LRRC4C: variants seen among roughly 807,000 people sequenced by gnomAD.
LRRC4C encodes leucine rich repeat containing 4C.
In LRRC4C, 5 loss-of-function variants were observed where a neutral mutation model predicts 33.6. That is an observed-to-expected ratio of 0.15 (90% CI 0.08 to 0.31). The LOEUF (loss-of-function observed/expected upper bound fraction) is 0.31, where lower values mean the gene tolerates loss of function less well. LRRC4C is among the 10% of genes least tolerant of loss of function. The pLI is 1.00. For missense variants in LRRC4C, 560 were observed against 796.7 expected (o/e 0.70, Z 3.58); for synonymous variants, 329 against 302.0 (o/e 1.09, Z -0.93).
chr11:41,002,276 A>G (rs538103081), intron 1 of LRRC4C, among the ~76,000 whole-genome samples: 5 of 152,256 alleles, frequency 3.3e-5, no homozygotes, highest in South Asian at 4.1e-4. Flanking sequence ...GGTGGTCCCT[A>G]CCTTGCCAAT....
intron 2 of LRRC4C, among the ~76,000 whole-genome samples, chr11:40,778,217 C>T (rs184365152): frequency 9.2e-5 from 14 of 152,266 alleles, no homozygotes; most frequent in Admixed American, 9.2e-4. Context: ...ATGTTTAGAA[C>T]TCCCTTGAGG....
intron 1 of LRRC4C, among the ~76,000 whole-genome samples, chr11:41,154,690 T>C (rs1424970961): frequency 1.3e-5 from 2 of 152,138 alleles, no homozygotes; most frequent in Non-Finnish European, 1.5e-5. Context: ...ACAGAACTAA[T>C]TGATATCATT....
intron 3 of LRRC4C, among the ~76,000 whole-genome samples, chr11:40,586,977 T>C (rs976332822): frequency 1.3e-5 from 2 of 152,092 alleles, no homozygotes; most frequent in African/African-American, 4.8e-5. Flanking sequence ...TGGTTCCATA[T>C]GAACTTTAAA....
At chr11:41,457,699 T>A (rs1339764941) in intron 1 of LRRC4C, among the ~76,000 whole-genome samples, 1 of 152,108 alleles carries the variant, frequency 6.6e-6, no homozygotes, top group Non-Finnish European at 1.5e-5. Context: ...AAAAATATCA[T>A]GATCATAAAT....
chr11:40,224,879 T>C (rs1224099590), intron 5 of LRRC4C, among the ~76,000 whole-genome samples: 3 of 152,174 alleles, frequency 2.0e-5, no homozygotes, highest in Non-Finnish European at 4.4e-5. Flanking sequence ...TCAAAAGTCA[T>C]TTCACTTCCC....
chr11:40,372,914 A>T (rs1275415497), intron 3 of LRRC4C, among the ~76,000 whole-genome samples: 1 of 152,170 alleles, frequency 6.6e-6, no homozygotes, highest in African/African-American at 2.4e-5. Context: ...TTTAAGCCAG[A>T]TAATTTGGGA....
intron 2 of LRRC4C, among the ~76,000 whole-genome samples, chr11:40,879,011 C>T (rs761681906): frequency 6.6e-6 from 1 of 152,088 alleles, no homozygotes; most frequent in East Asian, 1.9e-4. Flanking sequence ...CTAAGTGCCA[C>T]GACTATAAGT....
chr11:40,904,806 CTTT>C (rs1956348402), intron 2 of LRRC4C, among the ~76,000 whole-genome samples: 1 of 152,166 alleles, frequency 6.6e-6, no homozygotes, highest in African/African-American at 2.4e-5. Context: ...GCAAAGCCTT[CTTT>C]ATGTCTTGAT....
chr11:41,367,367 A>G lies in LRRC4C; in HGVS notation c.-496+92064T>C, dbSNP rs1952581533. Reference sequence around the variant, plus strand: ...TCACGGCCTTCTTCTAACACCTACTATGTTAGAATCTTGGGCAAGGCAGAT... The same window carrying G: ...TCACGGCCTTCTTCTAACACCTACTGTGTTAGAATCTTGGGCAAGGCAGAT... On this transcript the variant is annotated intron_variant, in intron 1 of 6. Transcript: ENST00000528697. Among the ~76,000 whole-genome samples, 4 of 152,036 alleles carry G rather than the reference A, an allele frequency of 2.6e-5. No homozygotes were observed. The South Asian group carries it at 8.3e-4, about 32-fold the overall frequency.
chr11:40,903,259 G>C (rs892247056), intron 2 of LRRC4C, among the ~76,000 whole-genome samples: 2 of 152,142 alleles, frequency 1.3e-5, no homozygotes, highest in African/African-American at 4.8e-5. Context: ...CAGCACATCT[G>C]TTTACAGCAC....
chr11:40,931,034 T>C (rs1957596496), intron 2 of LRRC4C, among the ~76,000 whole-genome samples: 1 of 152,190 alleles, frequency 6.6e-6, no homozygotes, highest in African/African-American at 2.4e-5. Context: ...CTGTGGGTTT[T>C]AGTAAATGCA....
intron 1 of LRRC4C, among the ~76,000 whole-genome samples, chr11:40,967,199 A>C (rs1389581736): frequency 6.6e-6 from 1 of 151,806 alleles, no homozygotes; most frequent in South Asian, 2.1e-4. Flanking sequence ...AAGGGAGAAA[A>C]GAAGGAAGGA....
chr11:40,516,657 C>A (rs1418164501), intron 3 of LRRC4C, among the ~76,000 whole-genome samples: 1 of 152,012 alleles, frequency 6.6e-6, no homozygotes, highest in Non-Finnish European at 1.5e-5. Context: ...AAGCACCATG[C>A]AAGAAGTGAA....
At chr11:41,280,821 T>G (rs1396050990) in intron 1 of LRRC4C, among the ~76,000 whole-genome samples, 1 of 152,092 alleles carries the variant, frequency 6.6e-6, no homozygotes, top group Non-Finnish European at 1.5e-5. Flanking sequence ...AATGAATAAT[T>G]GTTGAAAGGC....
At chr11:40,509,930 G>A (rs954726751) in intron 3 of LRRC4C, among the ~76,000 whole-genome samples, 9 of 152,084 alleles carry the variant, frequency 5.9e-5, no homozygotes, top group South Asian at 2.1e-4. Flanking sequence ...CTTGTCCATG[G>A]CAGCGGAGGG....
intron 2 of LRRC4C, among the ~76,000 whole-genome samples, chr11:40,710,946 A>G (rs563467868): frequency 6.6e-6 from 1 of 152,232 alleles, no homozygotes; most frequent in South Asian, 2.1e-4. Context: ...GCCTCGCAAT[A>G]TGATCTGAGA....
Position 41,448,122 on chromosome 11 carries a change from GTT to G in LRRC4C, c.-496+11307_-496+11308del, listed in dbSNP as rs71063918. 1.0e-3 allele frequency among the ~76,000 whole-genome samples: 47 copies of G among 46,910 alleles called. 4 individuals carry two copies. The highest frequency in any genetic ancestry group is 2.8e-3 in the African/African-American group (36 of 12,918). The allele number at this position is 46,910 out of a possible 152,430, so 30.8% of individuals were successfully genotyped here. On this transcript the variant is annotated intron_variant, in intron 1 of 6. Coordinates refer to ENST00000528697, the MANE Select transcript of LRRC4C (RefSeq NM_001258419.2). ...ACAAACGAGGCTGCTGCACACGTCT[GTT>G]TTTTTTTTTTTTTTTTTTGGAGCTT... is the stretch of plus-strand genomic sequence containing the variant.
intron 5 of LRRC4C, among the ~76,000 whole-genome samples, chr11:40,231,718 T>G (rs1865212323): frequency 6.6e-6 from 1 of 152,210 alleles, no homozygotes; most frequent in African/African-American, 2.4e-5. Context: ...ATATTGACAC[T>G]GAAGACCCTA....
chr11:40,341,730 A>G (rs1480279435), intron 3 of LRRC4C, among the ~76,000 whole-genome samples: 3 of 152,114 alleles, frequency 2.0e-5, no homozygotes, highest in Non-Finnish European at 4.4e-5. Flanking sequence ...GTCTTCTTTC[A>G]GAGTTCAAAA....
Sources: allele counts gnomAD v4.1 joint callset (sites outside exome capture counted in the v4.1 genomes callset), GRCh38; gene constraint gnomAD v4.1.1; transcripts MANE v1.5; gene names NCBI Gene and HGNC (gene_info 2026-07-23, HGNC 2026-07-21).